SUPT3H: variants seen among roughly 807,000 people sequenced by gnomAD.
SUPT3H encodes SPT3 homolog, SAGA and STAGA complex component.
In SUPT3H, 44 loss-of-function variants were observed where a neutral mutation model predicts 44.3. That is an observed-to-expected ratio of 0.99 (90% CI 0.78 to 1.28). SUPT3H has a LOEUF of 1.28. SUPT3H is among the 50% of genes most tolerant of loss of function. The pLI, the probability that SUPT3H is intolerant of heterozygous loss-of-function variation, is 0.00. For synonymous variants in SUPT3H, 124 were observed against 125.6 expected (o/e 0.99, Z 0.09); for missense variants, 380 against 387.1 (o/e 0.98, Z 0.15).
At chr6:45,329,701 G>A (rs964652665) in intron 2 of SUPT3H, among the ~76,000 whole-genome samples, 2 of 151,782 alleles carry the variant, frequency 1.3e-5, no homozygotes, top group African/African-American at 4.8e-5. Flanking sequence ...AAACCATGCT[G>A]GACTTTAAAA....
chr6:44,839,321 TA>T (rs67536186), intron 10 of SUPT3H, among the ~76,000 whole-genome samples: 65,737 of 150,568 alleles, frequency 0.44, 14,667 homozygotes, highest in East Asian at 0.68. Flanking sequence ...CTATTATTAT[TA>T]TTTTTTTTTG....
chr6:44,911,908 T>C (rs1026798458), intron 10 of SUPT3H, among the ~76,000 whole-genome samples: 4 of 152,188 alleles, frequency 2.6e-5, no homozygotes, highest in South Asian at 2.1e-4. Context: ...CCAGAAACTA[T>C]TGCATTCATA....
At chr6:45,147,001 T>C (rs539307899) in intron 2 of SUPT3H, among the ~76,000 whole-genome samples, 4 of 152,272 alleles carry the variant, frequency 2.6e-5, no homozygotes, top group South Asian at 2.1e-4. Context: ...ATTTACCATA[T>C]GCCACCTAAA....
chr6:45,158,298 A>ATATATATATATATATATATATTTTTTTTT, intron 2 of SUPT3H, among the ~76,000 whole-genome samples: 2 of 99,686 alleles, frequency 2.0e-5, no homozygotes, highest in African/African-American at 1.0e-4. Flanking sequence ...ATATATATAT[A>ATATATATATATATATATATATTTTTTTTT]TTTTTTTTTT....
intron 10 of SUPT3H, among the ~76,000 whole-genome samples, chr6:44,861,374 G>C (rs1561906431): frequency 6.6e-6 from 1 of 150,706 alleles, no homozygotes; most frequent in Non-Finnish European, 1.5e-5. Flanking sequence ...CTCAGCCACA[G>C]TTTTCTTTTC....
At chr6:45,288,581 A>G (rs1562882595) in intron 2 of SUPT3H, among the ~76,000 whole-genome samples, 11,355 of 58,402 alleles carry the variant, frequency 0.19, 1,222 homozygotes, top group South Asian at 0.27. Flanking sequence ...ATATATATAT[A>G]TGTATATATA....
chr6:44,816,655 T>TAAAAA (rs1766931887), intron 11 of SUPT3H, among the ~76,000 whole-genome samples: 1 of 152,152 alleles, frequency 6.6e-6, no homozygotes, highest in Non-Finnish European at 1.5e-5. Flanking sequence ...GAGCCTAGCA[T>TAAAAA]TAGCTGATAT....
At chr6:45,186,369 G>T (rs529442723) in intron 2 of SUPT3H, among the ~76,000 whole-genome samples, 68 of 152,110 alleles carry the variant, frequency 4.5e-4, no homozygotes, top group African/African-American at 1.5e-3. Context: ...GGATTTTAAA[G>T]TAACCATCAA....
intron 3 of SUPT3H, among the ~76,000 whole-genome samples, chr6:45,037,792 GA>G: frequency 6.7e-6 from 1 of 148,190 alleles, no homozygotes; most frequent in South Asian, 2.1e-4. Context: ...CAACAAGAGC[GA>G]AACTCAGTCT....
At chr6:45,196,196 T>C (rs1241302624) in intron 2 of SUPT3H, among the ~76,000 whole-genome samples, 1 of 152,104 alleles carries the variant, frequency 6.6e-6, no homozygotes, top group Non-Finnish European at 1.5e-5. Flanking sequence ...TATATTGCTT[T>C]AGAAGTACTC....
intron 2 of SUPT3H, among the ~76,000 whole-genome samples, chr6:45,298,526 T>G (rs559744367): frequency 1.3e-5 from 2 of 152,136 alleles, no homozygotes; most frequent in African/African-American, 4.8e-5. Context: ...TATCTCTTTT[T>G]TTTTTTTTGA....
rs1489508174 is a variant in SUPT3H, at chr6:44,972,588, C to G, written c.505-10760G>C. 5.9e-5 allele frequency among the ~76,000 whole-genome samples: 9 copies of G among 152,236 alleles called. No individual in the cohort carries two copies. The East Asian group carries it at 7.7e-4, about 13-fold the overall frequency. ...TACTAGGCAGTGCCCCAGTAGGGAC[C>G]TGTGTGGTGGCTCCAACCCCACATT... is the stretch of plus-strand genomic sequence containing the variant. On this transcript the variant is annotated intron_variant, in intron 6 of 10. Transcript: ENST00000371459.
intron 2 of SUPT3H, among the ~76,000 whole-genome samples, chr6:45,278,559 AC>A (rs1777411491): frequency 6.6e-6 from 1 of 152,218 alleles, no homozygotes; most frequent in Non-Finnish European, 1.5e-5. Context: ...TTGGAAAATG[AC>A]CTCATTATGA....
intron 10 of SUPT3H, among the ~76,000 whole-genome samples, chr6:44,876,445 T>C (rs12199957): frequency 0.22 from 26,340 of 122,214 alleles, 3,579 homozygotes; most frequent in Non-Finnish European, 0.3. Context: ...TAGGTGGGAA[T>C]TGAACAATGA....
In SUPT3H at chr6:45,119,852, A is replaced by T. The variant is rs536993013; in HGVS notation, c.102-13846T>A. On this transcript the variant is annotated intron_variant, in intron 2 of 10. Coordinates refer to ENST00000371459, the MANE Select transcript of SUPT3H (RefSeq NM_003599.4). ...ACCAGATTAATGATTTATTTTTTTT[A>T]AAGGCAGCAAATACTTTTAAAAAAG... Among the ~76,000 whole-genome samples, 294 of 152,262 alleles carry T rather than the reference A, an allele frequency of 1.9e-3. 1 individual carries two copies. The Middle Eastern group carries it at 0.031, about 16-fold the overall frequency.
At chr6:45,051,452 G>A (rs1790289424) in intron 3 of SUPT3H, among the ~76,000 whole-genome samples, 1 of 151,754 alleles carries the variant, frequency 6.6e-6, no homozygotes, top group South Asian at 2.1e-4. Context: ...AGGATACTGG[G>A]AGAGTGAAAT....
At chr6:45,123,547 G>T (rs1801981475) in intron 2 of SUPT3H, among the ~76,000 whole-genome samples, 1 of 150,498 alleles carries the variant, frequency 6.6e-6, no homozygotes, top group African/African-American at 2.4e-5. Flanking sequence ...CCACTAAATT[G>T]TACAATTTTT....
chr6:44,815,661 G>A (rs1009936691), intron 11 of SUPT3H, among the ~76,000 whole-genome samples: 7 of 151,970 alleles, frequency 4.6e-5, no homozygotes, highest in African/African-American at 1.7e-4. Context: ...ACTGAGAACA[G>A]AACTTCAAAA....
chr6:44,885,000 G>C (rs1339027657), intron 10 of SUPT3H, among the ~76,000 whole-genome samples: 1 of 152,198 alleles, frequency 6.6e-6, no homozygotes, highest in Non-Finnish European at 1.5e-5. Context: ...CGCCCACGGA[G>C]TCTGGCTGAT....
Sources: gnomAD v4.1 joint callset for allele counts (sites outside exome capture counted in the v4.1 genomes callset) on GRCh38, gnomAD v4.1.1 for gene constraint, MANE v1.5 for transcripts, NCBI Gene and HGNC (gene_info 2026-07-23, HGNC 2026-07-21) for gene names.